The following DSCAM variants were observed in gnomAD, a reference collection of about 807,000 sequenced individuals.
The protein encoded by DSCAM is DS cell adhesion molecule.
Under a neutral mutation model 217.7 loss-of-function variants are expected in DSCAM, and 47 were observed. That is an observed-to-expected ratio of 0.22 (90% CI 0.17 to 0.28). The LOEUF is 0.28. Among genes scored for constraint, DSCAM ranks in the 10% least tolerant of loss-of-function variants. DSCAM has a pLI of 1.00. For missense variants in DSCAM, 2,080 were observed against 2,618.3 expected (o/e 0.79, Z 4.49); for synonymous variants, 1,056 against 1,015.3 (o/e 1.04, Z -0.76).
chr21:40,531,146 C>T (rs1397295001), intron 3 of DSCAM, among the ~76,000 whole-genome samples: 2 of 152,232 alleles, frequency 1.3e-5, no homozygotes, highest in African/African-American at 2.4e-5. Flanking sequence ...GTCTCGTCAA[C>T]ACCAGCAGAG....
intron 11 of DSCAM, among the ~76,000 whole-genome samples, chr21:40,267,012 C>G (rs1037177192): frequency 8.8e-6 from 1 of 113,146 alleles, no homozygotes; most frequent in Non-Finnish European, 1.7e-5. Context: ...ATAACGGACT[C>G]GGGAGACTCA....
At chr21:40,246,398 A>G (rs1601480357) in intron 11 of DSCAM, among the ~76,000 whole-genome samples, 1 of 118,950 alleles carries the variant, frequency 8.4e-6, no homozygotes, top group Non-Finnish European at 1.7e-5. Context: ...AAAATTAGCT[A>G]GGTGTGGTGG....
chr21:40,275,902 A>G (rs953481683), intron 11 of DSCAM, among the ~76,000 whole-genome samples, 195 bp downstream of exon 11: 1 of 152,190 alleles, frequency 6.6e-6, no homozygotes, highest in African/African-American at 2.4e-5. Context: ...CACACTGTCA[A>G]CAATTAGCTG....
chr21:40,280,922 G>C (rs1397116200), intron 10 of DSCAM, among the ~76,000 whole-genome samples: 1 of 152,140 alleles, frequency 6.6e-6, no homozygotes. Context: ...CTGGGAGTTG[G>C]TCTTCAGTCA....
At chr21:40,306,656 T>C (rs896709820) in intron 9 of DSCAM, among the ~76,000 whole-genome samples, 9 of 151,724 alleles carry the variant, frequency 5.9e-5, no homozygotes, top group Admixed American at 2.0e-4. Context: ...GCATGAAGGG[T>C]TGTTGAATTT....
At chr21:40,174,349 C>T (rs752456384) in intron 15 of DSCAM, among the ~76,000 whole-genome samples, 15 of 152,076 alleles carry the variant, frequency 9.9e-5, no homozygotes, top group Non-Finnish European at 2.1e-4. Context: ...ATGAGATTTC[C>T]CAACATTAGG....
At chr21:40,701,555 T>C (rs1203839101) in intron 2 of DSCAM, among the ~76,000 whole-genome samples, 1 of 152,146 alleles carries the variant, frequency 6.6e-6, no homozygotes, top group Non-Finnish European at 1.5e-5. Context: ...TATAAGTTTT[T>C]TAGAGCAATA....
At chr21:40,377,783 C>T (rs1014149390) in intron 3 of DSCAM, among the ~76,000 whole-genome samples, 2 of 152,038 alleles carry the variant, frequency 1.3e-5, no homozygotes, top group African/African-American at 4.8e-5. Context: ...GGACACAAGC[C>T]AGTGTGGCGC....
At chr21:40,022,222 G>T (rs2088284997) in intron 32 of DSCAM, among the ~76,000 whole-genome samples, 1 of 152,176 alleles carries the variant, frequency 6.6e-6, no homozygotes, top group Non-Finnish European at 1.5e-5. Flanking sequence ...GGGACATGTA[G>T]CAAAGTCTGG....
intron 11 of DSCAM, among the ~76,000 whole-genome samples, chr21:40,269,814 G>A (rs961569856): frequency 1.3e-5 from 2 of 152,158 alleles, no homozygotes; most frequent in African/African-American, 2.4e-5. Context: ...TTAGGGATCC[G>A]GCGGCCTACT....
intron 16 of DSCAM, among the ~76,000 whole-genome samples, chr21:40,151,254 A>T (rs73225237): frequency 0.044 from 6,733 of 152,156 alleles, 199 homozygotes; most frequent in African/African-American, 0.077. Context: ...CTTCTTTCAA[A>T]GAATACCCCC....
At position 40,471,776 on chromosome 21, in the gene DSCAM, TTTTAC is replaced by T. The variant is rs1177660977; in HGVS notation, c.509-102536_509-102532del. 5.3e-5 allele frequency among the ~76,000 whole-genome samples: 8 copies of T among 152,308 alleles called. 1 individual carries two copies. Among genetic ancestry groups the T allele is most frequent in the Admixed American group, 1.3e-4 (2 of 15,304 alleles). On this transcript the variant is annotated intron_variant, in intron 3 of 32. Coordinates refer to ENST00000400454, the MANE Select transcript of DSCAM (RefSeq NM_001389.5). Reference sequence around the variant, plus strand: ...ACAGCAAACAGGAGCAGAGATTTTATTTTACTTTACTTAATTTTTATTTTTATTTT... The same window carrying T: ...ACAGCAAACAGGAGCAGAGATTTTATTTTACTTAATTTTTATTTTTATTTT...
At chr21:40,217,049 A>T (rs79840757) in intron 11 of DSCAM, among the ~76,000 whole-genome samples, 2,012 of 152,342 alleles carry the variant, frequency 0.013, 41 homozygotes, top group African/African-American at 0.044. Context: ...TCTAAAACAC[A>T]ACCTGGCTTT....
chr21:40,687,133 A>G (rs1206261530), intron 3 of DSCAM, among the ~76,000 whole-genome samples: 1 of 152,292 alleles, frequency 6.6e-6, no homozygotes, highest in South Asian at 2.1e-4. Flanking sequence ...TGATACATAC[A>G]AAGACAGATA....
chr21:40,091,889 C>A (rs1208052985), intron 21 of DSCAM, among the ~76,000 whole-genome samples: 1 of 152,100 alleles, frequency 6.6e-6, no homozygotes, highest in East Asian at 1.9e-4. Context: ...GACTCAATTA[C>A]CTCCCACTGG....
intron 3 of DSCAM, among the ~76,000 whole-genome samples, chr21:40,431,216 T>C (rs1037508972): frequency 7.2e-5 from 11 of 152,232 alleles, no homozygotes; most frequent in African/African-American, 2.7e-4. Flanking sequence ...AACTGGCCCC[T>C]GAACAACCCA....
At chr21:40,097,962 G>A (rs756482363) in intron 20 of DSCAM, among the ~76,000 whole-genome samples, 8,989 of 40,866 alleles carry the variant, frequency 0.22, 3,176 homozygotes, top group East Asian at 0.56. Flanking sequence ...AAAAAAGAAA[G>A]AAAGAAAGAA....
intron 16 of DSCAM, among the ~76,000 whole-genome samples, chr21:40,157,057 C>T (rs1445226640): frequency 1.3e-5 from 2 of 152,210 alleles, no homozygotes; most frequent in South Asian, 4.2e-4. Flanking sequence ...TCTTAGCTAA[C>T]AACGGTTTCT....
chr21:40,381,543 C>T (rs1159303429), intron 3 of DSCAM, among the ~76,000 whole-genome samples: 5 of 152,180 alleles, frequency 3.3e-5, no homozygotes, highest in South Asian at 2.1e-4. Context: ...GGCACTTCAA[C>T]CCACAGTGAC....
Sources: allele counts gnomAD v4.1 joint callset (sites outside exome capture counted in the v4.1 genomes callset), GRCh38; gene constraint gnomAD v4.1.1; transcripts MANE v1.5; gene names NCBI Gene and HGNC (gene_info 2026-07-23, HGNC 2026-07-21).